The following ST6GAL1 variants were observed in gnomAD, a reference collection of about 807,000 sequenced individuals.
The protein encoded by ST6GAL1 is ST6 beta-galactoside alpha-2,6-sialyltransferase 1, also known as beta-galactoside alpha-2,6-sialyltransferase 1.
In ST6GAL1, 20 loss-of-function variants were observed where a neutral mutation model predicts 38.0. The ratio of observed to expected loss-of-function variants is 0.53; its 90% CI spans 0.37 to 0.77. The LOEUF is 0.77. Ranked by LOEUF, ST6GAL1 falls within the 30% of genes least tolerant of loss-of-function variation. The probability of loss-of-function intolerance (pLI) is 0.00; values close to 1 mark genes in which losing one functional copy is unlikely to be tolerated. For missense variants in ST6GAL1, 432 were observed against 496.4 expected (o/e 0.87, Z 1.23); for synonymous variants, 196 against 188.2 (o/e 1.04, Z -0.34).
At position 187,033,816 on chromosome 3, in the gene ST6GAL1, G is replaced by T. The variant is rs767413440; in HGVS notation, c.-182-4926G>T. Among the ~76,000 whole-genome samples, 6 of 151,948 alleles carry T rather than the reference G, an allele frequency of 3.9e-5. No homozygotes were observed. The South Asian group carries it at 6.2e-4, about 16-fold the overall frequency. ...AACATCTACTTCAAAAAGTTAGAAA[G>T]ATCTCAAATTAACAACCTAATATTG... is the stretch of plus-strand genomic sequence containing the variant. On this transcript the variant is annotated intron_variant, in intron 2 of 7. Coordinates refer to ENST00000169298, the MANE Select transcript of ST6GAL1 (RefSeq NM_173216.2).
intron 5 of ST6GAL1, among the ~76,000 whole-genome samples, chr3:187,058,491 GT>G (rs1199296640): frequency 6.6e-6 from 1 of 151,942 alleles, no homozygotes; most frequent in Non-Finnish European, 1.5e-5. Context: ...TCACCATCTT[GT>G]TTTTTTGTTC....
chr3:186,990,318 G>A (rs1716116617), intron 2 of ST6GAL1, among the ~76,000 whole-genome samples: 1 of 152,190 alleles, frequency 6.6e-6, no homozygotes, highest in Non-Finnish European at 1.5e-5. Context: ...ACAGGTGTGA[G>A]CCACCAAGCT....
chr3:187,014,079 T>C (rs541730300), intron 2 of ST6GAL1, among the ~76,000 whole-genome samples: 76 of 152,342 alleles, frequency 5.0e-4, no homozygotes, highest in African/African-American at 1.8e-3. Flanking sequence ...TTGCCAGCTC[T>C]CATTTATTAA....
chr3:187,056,188 G>C (rs991723009), intron 5 of ST6GAL1, among the ~76,000 whole-genome samples: 1 of 151,912 alleles, frequency 6.6e-6, no homozygotes, highest in Non-Finnish European at 1.5e-5. Context: ...TTTATTTTGA[G>C]CCTATGTGTG....
At chr3:187,048,940 G>A (rs1718409421) in intron 4 of ST6GAL1, among the ~76,000 whole-genome samples, 1 of 141,286 alleles carries the variant, frequency 7.1e-6, no homozygotes, top group Non-Finnish European at 1.5e-5. Flanking sequence ...GCCCAGGCTG[G>A]AGTGCAGTGG....
chr3:187,009,276 C>T (rs925401043), intron 2 of ST6GAL1, among the ~76,000 whole-genome samples: 8 of 151,742 alleles, frequency 5.3e-5, no homozygotes, highest in African/African-American at 1.2e-4. Context: ...GTACTATGGT[C>T]GTATTTTTTT....
At chr3:187,028,497 G>T (rs1334603274) in intron 2 of ST6GAL1, among the ~76,000 whole-genome samples, 1 of 152,156 alleles carries the variant, frequency 6.6e-6, no homozygotes, top group Non-Finnish European at 1.5e-5. Context: ...TTTTTGGCTG[G>T]AGTATTTTAA....
chr3:186,984,368 C>T (rs1479041839), intron 2 of ST6GAL1, among the ~76,000 whole-genome samples: 3 of 152,186 alleles, frequency 2.0e-5, no homozygotes, highest in Admixed American at 6.5e-5. Context: ...CTCTGCTCAG[C>T]CTCCTGCAGC....
At chr3:186,955,127 G>T (rs1714704400) in intron 1 of ST6GAL1, among the ~76,000 whole-genome samples, 1 of 152,192 alleles carries the variant, frequency 6.6e-6, no homozygotes. Flanking sequence ...GTGTGGCAAA[G>T]ATCAGATGGT....
In ST6GAL1 at chr3:187,072,846, C is replaced by G; in HGVS notation, c.706-3C>G. ...GCGACAGCTTATCTCTTTCTTCCTG[C>G]AGTTGGTTACCACAGAGAAGCGCTT... On this transcript the variant is annotated splice_region_variant and splice_polypyrimidine_tract_variant and intron_variant, in intron 5 of 7. Coordinates refer to ENST00000169298, the MANE Select transcript of ST6GAL1 (RefSeq NM_173216.2). 1.2e-6 allele frequency: 2 copies of G among 1,612,844 alleles called. No individual in the cohort carries two copies. Among genetic ancestry groups the G allele is most frequent in the Non-Finnish European group, 1.7e-6 (2 of 1,178,938 alleles).
At chr3:187,041,245 C>T (rs1342348398) in intron 3 of ST6GAL1, among the ~76,000 whole-genome samples, 1 of 152,110 alleles carries the variant, frequency 6.6e-6, no homozygotes, top group Non-Finnish European at 1.5e-5. Flanking sequence ...CCAAGGTCAC[C>T]AAGAATGGGG....
At chr3:187,044,245 C>A (rs1718222170) in intron 4 of ST6GAL1, among the ~76,000 whole-genome samples, 7 of 152,194 alleles carry the variant, frequency 4.6e-5, no homozygotes, top group Admixed American at 4.6e-4. Context: ...AATGTGTTTT[C>A]CATTATTTGA....
intron 2 of ST6GAL1, among the ~76,000 whole-genome samples, chr3:187,015,765 G>T (rs1717094534): frequency 6.6e-6 from 1 of 152,150 alleles, no homozygotes; most frequent in African/African-American, 2.4e-5. Context: ...GTGGAGGCTG[G>T]GAGGTCGAGG....
At chr3:187,055,517 A>G (rs7615919) in intron 5 of ST6GAL1, among the ~76,000 whole-genome samples, 94,264 of 151,998 alleles carry the variant, frequency 0.62, 31,593 homozygotes, top group South Asian at 0.82. Flanking sequence ...CTTTGTTCTC[A>G]TTGGTTTCAA....
chr3:187,002,048 ATTGGTGTTGTAAT>A (rs562063179), intron 2 of ST6GAL1, among the ~76,000 whole-genome samples: 326 of 151,136 alleles, frequency 2.2e-3, no homozygotes, highest in Middle Eastern at 6.8e-3. Context: ...GTTGCCTTAT[ATTGGTGTTGTAAT>A]TAGCTGTTAG....
intron 2 of ST6GAL1, among the ~76,000 whole-genome samples, chr3:187,012,257 A>T (rs142902587): frequency 3.5e-5 from 5 of 143,898 alleles, no homozygotes; most frequent in Admixed American, 7.0e-5. Context: ...ATTTTTTTTC[A>T]TTTTTTTTTT....
chr3:186,999,360 C>T (rs549539937), intron 2 of ST6GAL1, among the ~76,000 whole-genome samples: 5 of 151,594 alleles, frequency 3.3e-5, no homozygotes, highest in African/African-American at 9.7e-5. Context: ...GCAAGACATC[C>T]GGGGAAGAAG....
At chr3:187,049,072 G>T (rs1271867340) in intron 4 of ST6GAL1, among the ~76,000 whole-genome samples, 2 of 151,990 alleles carry the variant, frequency 1.3e-5, no homozygotes, top group Non-Finnish European at 2.9e-5. Context: ...TGTATATTTA[G>T]TAGAGATGGG....
rs530567460 is a variant in ST6GAL1, at chr3:187,019,738, A to G, written c.-182-19004A>G. On this transcript the variant is annotated intron_variant, in intron 2 of 7. Coordinates refer to ENST00000169298, the MANE Select transcript of ST6GAL1 (RefSeq NM_173216.2). The stretch of plus-strand genomic sequence containing the variant: ...ACATGGAGCCCCTCTCGGAGGCACT[A>G]TGCCACCCTCTGGGGGCAACAGGGT... 2.6e-5 allele frequency among the ~76,000 whole-genome samples: 4 copies of G among 152,322 alleles called. No homozygotes were observed. The South Asian group carries it at 6.2e-4, about 24-fold the overall frequency.
Sources: allele counts gnomAD v4.1 joint callset (sites outside exome capture counted in the v4.1 genomes callset), GRCh38; gene constraint gnomAD v4.1.1; transcripts MANE v1.5; gene names NCBI Gene and HGNC (gene_info 2026-07-23, HGNC 2026-07-21).